Variants in PKP4 observed in about 807,000 individuals in gnomAD.
PKP4 encodes the protein plakophilin 4.
PKP4 carries 90 observed loss-of-function variants against 145.1 expected under a neutral mutation model. That is an observed-to-expected ratio of 0.62 (90% CI 0.52 to 0.74). The LOEUF (loss-of-function observed/expected upper bound fraction) is 0.74. PKP4 is among the 30% of genes least tolerant of loss of function. PKP4 has a pLI of 0.00. For synonymous variants in PKP4, 563 were observed against 577.2 expected, an observed-to-expected ratio of 0.98 and a Z score of 0.35; for missense variants, 1,340 against 1,482.7, an observed-to-expected ratio of 0.90 and a Z score of 1.58.
intron 1 of PKP4, among the ~76,000 whole-genome samples, chr2:158,508,007 A>G (rs2041145771): frequency 6.6e-6 from 1 of 151,980 alleles, no homozygotes; most frequent in South Asian, 2.1e-4. Flanking sequence ...AGGTATGTTC[A>G]GTTTCCCCCA....
At chr2:158,600,827 T>C (rs6746787) in intron 3 of PKP4, among the ~76,000 whole-genome samples, 29,515 of 152,218 alleles carry the variant, frequency 0.19, 3,691 homozygotes, top group Middle Eastern at 0.36. Context: ...GTTTTTCTAA[T>C]GATTTATATA....
chr2:158,487,010 G>A (rs1694260719), intron 1 of PKP4, among the ~76,000 whole-genome samples: 1 of 152,148 alleles, frequency 6.6e-6, no homozygotes, highest in South Asian at 2.1e-4. Flanking sequence ...TCATAGTTCT[G>A]TACCTATTCC....
intron 4 of PKP4, among the ~76,000 whole-genome samples, chr2:158,609,913 G>A (rs2050983849): frequency 6.6e-6 from 1 of 152,148 alleles, no homozygotes; most frequent in Admixed American, 6.5e-5. Context: ...TCTGAAGTAT[G>A]GGAGCTGAGA....
At chr2:158,673,398 A>C (rs192231972) in intron 17 of PKP4, among the ~76,000 whole-genome samples, 56 of 152,290 alleles carry the variant, frequency 3.7e-4, no homozygotes, top group African/African-American at 1.3e-3. Context: ...TGGGACTGAC[A>C]CCTACAGAGA....
chr2:158,571,689 C>T (rs2047420247), intron 2 of PKP4, among the ~76,000 whole-genome samples: 1 of 152,150 alleles, frequency 6.6e-6, no homozygotes, highest in Non-Finnish European at 1.5e-5. Context: ...TGGAATGAGA[C>T]TTCCACAGGG....
chr2:158,512,515 T>C (rs1209164003), intron 1 of PKP4, among the ~76,000 whole-genome samples: 1 of 152,220 alleles, frequency 6.6e-6, no homozygotes, highest in Non-Finnish European at 1.5e-5. Flanking sequence ...AACTGTGGTG[T>C]GCCCATGTGG....
At chr2:158,679,768 C>G (rs766259309) in intron 21 of PKP4, among the ~76,000 whole-genome samples, 1 of 152,212 alleles carries the variant, frequency 6.6e-6, no homozygotes, top group African/African-American at 2.4e-5. Flanking sequence ...CTTGGGGAAG[C>G]CTTTTCCTCT....
intron 1 of PKP4, among the ~76,000 whole-genome samples, chr2:158,503,198 C>G (rs1481317691): frequency 6.6e-6 from 1 of 152,212 alleles, no homozygotes; most frequent in Non-Finnish European, 1.5e-5. Context: ...AACTATGCTT[C>G]TGCTATTTCA....
At chr2:158,539,341 A>C (rs1484738320) in intron 2 of PKP4, among the ~76,000 whole-genome samples, 1 of 152,228 alleles carries the variant, frequency 6.6e-6, no homozygotes, top group East Asian at 1.9e-4. Context: ...AACAAATTCC[A>C]GTACAATTAT....
chr2:158,499,106 T>C (rs1696181532), intron 1 of PKP4, among the ~76,000 whole-genome samples: 1 of 152,168 alleles, frequency 6.6e-6, no homozygotes, highest in Non-Finnish European at 1.5e-5. Context: ...TGGTCCAAAA[T>C]GGCAGTTACT....
At position 158,577,364 on chromosome 2, in the gene PKP4, C is replaced by T. The variant is rs1485053142; in HGVS notation, c.226C>T (p.Pro76Ser). 19 of 1,611,674 alleles carry T rather than the reference C, an allele frequency of 1.2e-5. No individual in the cohort carries two copies. The highest frequency in any genetic ancestry group is 1.5e-5 in the Non-Finnish European group (18 of 1,178,486). Reference sequence around the variant, plus strand: ...AAGATGTAGGCTTGGAGCAGAATCACCAAGCATCGCCAGCACCAGGTACAG... The same window carrying T: ...AAGATGTAGGCTTGGAGCAGAATCATCAAGCATCGCCAGCACCAGGTACAG... ...LERCRLGAESPSIASTSSTEK... is the reference protein window; with the variant it reads ...LERCRLGAESSSIASTSSTEK... Residue 76 changes from proline (P) to serine (S), a missense_variant, in exon 3 of 22, where the codon CCA becomes TCA. Coordinates refer to ENST00000389759, the MANE Select transcript of PKP4 (RefSeq NM_003628.6).
At chr2:158,516,161 C>T (rs1559253635) in intron 1 of PKP4, among the ~76,000 whole-genome samples, 1 of 151,578 alleles carries the variant, frequency 6.6e-6, no homozygotes, top group South Asian at 2.1e-4. Context: ...TATGATGCTC[C>T]ACACCAGTGC....
chr2:158,585,357 T>TAAG (rs2048712835), intron 3 of PKP4, among the ~76,000 whole-genome samples: 1 of 152,196 alleles, frequency 6.6e-6, no homozygotes, highest in Non-Finnish European at 1.5e-5. Context: ...TACTACCACT[T>TAAG]AAGAAAAGAA....
At chr2:158,650,387 G>T (rs1258041173) in intron 11 of PKP4, among the ~76,000 whole-genome samples, 1 of 152,126 alleles carries the variant, frequency 6.6e-6, no homozygotes, top group South Asian at 2.1e-4. Context: ...GAATAAAGAA[G>T]AATACATTAA....
chr2:158,675,557 G>A (rs1051294718), intron 19 of PKP4, among the ~76,000 whole-genome samples: 7 of 152,154 alleles, frequency 4.6e-5, no homozygotes, highest in African/African-American at 1.7e-4. Flanking sequence ...CTAGTCAGTG[G>A]TAGGGAATAC....
intron 7 of PKP4, among the ~76,000 whole-genome samples, chr2:158,629,467 A>G (rs2053145686): frequency 6.6e-6 from 1 of 152,116 alleles, no homozygotes; most frequent in Non-Finnish European, 1.5e-5. Flanking sequence ...CAGTTATAAG[A>G]TTGTATAAAC....
chr2:158,482,909 T>A (rs1183176308), intron 1 of PKP4, among the ~76,000 whole-genome samples: 2 of 152,098 alleles, frequency 1.3e-5, no homozygotes, highest in African/African-American at 4.8e-5. Context: ...TATACCTGTA[T>A]GTGTTATTAA....
chr2:158,599,845 T>C (rs1254572864), intron 3 of PKP4, among the ~76,000 whole-genome samples: 1 of 152,178 alleles, frequency 6.6e-6, no homozygotes, highest in Non-Finnish European at 1.5e-5. Flanking sequence ...TCTTGTGAAC[T>C]TCACTCACTG....
chr2:158,509,784 C>G (rs1408639107), intron 1 of PKP4, among the ~76,000 whole-genome samples: 1 of 151,954 alleles, frequency 6.6e-6, no homozygotes, highest in Non-Finnish European at 1.5e-5. Flanking sequence ...CCTGTCTCTA[C>G]TAAAAATACA....
Sources: gnomAD v4.1 joint callset for allele counts (sites outside exome capture counted in the v4.1 genomes callset) on GRCh38, gnomAD v4.1.1 for gene constraint, MANE v1.5 for transcripts, NCBI Gene and HGNC (gene_info 2026-07-23, HGNC 2026-07-21) for gene names.